The following CSMD2 variants were observed in gnomAD, a reference collection of about 807,000 sequenced individuals.
The protein encoded by CSMD2 is CUB and Sushi multiple domains 2.
CSMD2 carries 130 observed loss-of-function variants against 398.5 expected under a neutral mutation model. The observed-to-expected ratio is 0.33, with a 90% CI of 0.28 to 0.38. CSMD2 has a LOEUF of 0.38. Ranked by LOEUF, CSMD2 falls within the 10% of genes least tolerant of loss-of-function variation. The pLI, the probability that CSMD2 is intolerant of heterozygous loss-of-function variation, is 1.00. For missense variants in CSMD2, 3,829 were observed against 4,764.9 expected (o/e 0.80, Z 5.78); for synonymous variants, 1,828 against 1,908.5 (o/e 0.96, Z 1.10).
At chr1:33,906,386 C>T (rs1643089740) in intron 5 of CSMD2, among the ~76,000 whole-genome samples, 2 of 152,128 alleles carry the variant, frequency 1.3e-5, no homozygotes, top group Non-Finnish European at 1.5e-5. Context: ...AAGCCATTCT[C>T]GTAGCAGTGA....
chr1:33,523,804 T>C lies in CSMD2; in HGVS notation c.10397-385A>G, dbSNP rs565458912. On this transcript the variant is annotated intron_variant, in intron 66 of 70. Coordinates refer to ENST00000373381, the MANE Select transcript of CSMD2 (RefSeq NM_001281956.2). Reference sequence around the variant, plus strand: ...GAGCATGTGAACATGTCTATTATCATGTGTGAAATGAGCAAATGTCATCCT... The same window carrying C: ...GAGCATGTGAACATGTCTATTATCACGTGTGAAATGAGCAAATGTCATCCT... Among the ~76,000 whole-genome samples, 12 of 152,360 alleles carry C rather than the reference T, an allele frequency of 7.9e-5. No individual in the cohort carries two copies. The East Asian group carries it at 1.3e-3, about 17-fold the overall frequency.
At position 33,765,232 on chromosome 1, in the gene CSMD2, A is replaced by C. The variant is rs74069180; in HGVS notation, c.1846+7337T>G. Reference sequence around the variant, plus strand: ...AAAATGATTCTAAAATTAATCTTGAACAACAAACAGATGAGAATAACAATG... The same window carrying C: ...AAAATGATTCTAAAATTAATCTTGACCAACAAACAGATGAGAATAACAATG... On this transcript the variant is annotated intron_variant, in intron 13 of 70. Transcript: ENST00000373381. Among the ~76,000 whole-genome samples the C allele has an allele frequency of 7.1e-3, 1,078 of 152,370 alleles. 13 individuals carry two copies. Among genetic ancestry groups the C allele is most frequent in the African/African-American group, 0.025 (1,029 of 41,584 alleles).
At chr1:33,687,719 A>G (rs958910884) in intron 25 of CSMD2, among the ~76,000 whole-genome samples, 1 of 152,214 alleles carries the variant, frequency 6.6e-6, no homozygotes, top group Non-Finnish European at 1.5e-5. Flanking sequence ...AAAAGGCACA[A>G]TGCAGTCAAA....
chr1:33,995,424 A>C (rs2148012241), intron 3 of CSMD2, among the ~76,000 whole-genome samples: 1 of 152,328 alleles, frequency 6.6e-6, no homozygotes, highest in East Asian at 1.9e-4. Flanking sequence ...TTCAGGGCTA[A>C]GCTCTGGGAC....
rs1435867205 is a variant in CSMD2, at chr1:33,557,768, A to G, written c.8709T>C (p.Asp2903=). 2.6e-6 allele frequency: 4 copies of G among 1,535,930 alleles called. No individual in the cohort carries two copies. The African/African-American group carries it at 5.5e-5, about 21-fold the overall frequency. The change falls in exon 55 of 71, where the codon GAT becomes GAC. Residue 2903 remains aspartate (D), a synonymous_variant. Coordinates refer to ENST00000373381, the MANE Select transcript of CSMD2 (RefSeq NM_001281956.2). ...GGGGGCGGGGACGGTCCCATGTGCC[A>G]TCTCCCTGGCAGCTGAGCACTGGGG... The part of the protein sequence containing the change: ...LGTPVLSCQG[D]GTWDRPRPQC...
chr1:33,888,886 G>A (rs1483887954), intron 5 of CSMD2, among the ~76,000 whole-genome samples: 1 of 152,056 alleles, frequency 6.6e-6, no homozygotes, highest in African/African-American at 2.4e-5. Context: ...TCCTGCCTCA[G>A]CCTCCCTAGT....
intron 15 of CSMD2, among the ~76,000 whole-genome samples, chr1:33,736,347 G>T (rs1173613340): frequency 6.6e-6 from 1 of 152,026 alleles, no homozygotes; most frequent in Non-Finnish European, 1.5e-5. Context: ...TGGGTGTGGT[G>T]GTGGGCGCCT....
At chr1:33,942,453 G>A (rs1428508798) in intron 3 of CSMD2, among the ~76,000 whole-genome samples, 3 of 152,208 alleles carry the variant, frequency 2.0e-5, no homozygotes, top group Non-Finnish European at 4.4e-5. Context: ...GAGGTGCCAG[G>A]GCATCAGATG....
chr1:33,557,833 C>T lies in CSMD2; in HGVS notation c.8644G>A (p.Val2882Met), dbSNP rs999225541. The T allele has an allele frequency of 1.2e-4, 190 of 1,535,996 alleles. No individual in the cohort carries two copies. Among genetic ancestry groups the T allele is most frequent in the Non-Finnish European group, 1.5e-4 (172 of 1,146,912 alleles). Residue 2882 changes from valine to methionine, a missense_variant, in exon 55 of 71, where the codon GTG (valine) becomes ATG (methionine). Physicochemically the swap from Val to Met is conservative, Grantham distance 21. Coordinates refer to ENST00000373381, the MANE Select transcript of CSMD2 (RefSeq NM_001281956.2). Reference sequence around the variant, plus strand: ...AAGCCGTGGTTGCACCGGTAAGACACAGTGGTGCCGAAGCTGAACCTGTGC... The same window carrying T: ...AAGCCGTGGTTGCACCGGTAAGACATAGTGGTGCCGAAGCTGAACCTGTGC... ...GPHRFSFGTT[V>M]SYRCNHGFYL...
intron 43 of CSMD2, among the ~76,000 whole-genome samples, chr1:33,601,720 T>C (rs916924749): frequency 6.6e-6 from 1 of 152,222 alleles, no homozygotes; most frequent in Admixed American, 6.5e-5. Context: ...GTATTCCCAA[T>C]GTAAAATTAA....
At chr1:34,054,746 A>C (rs1355320914) in intron 2 of CSMD2, among the ~76,000 whole-genome samples, 1 of 152,000 alleles carries the variant, frequency 6.6e-6, no homozygotes, top group Admixed American at 6.5e-5. Context: ...TCTCTTTAAA[A>C]AAAAGTGGTT....
At chr1:33,654,794 G>T (rs1280041600) in intron 27 of CSMD2, among the ~76,000 whole-genome samples, 1 of 152,316 alleles carries the variant, frequency 6.6e-6, no homozygotes, top group South Asian at 2.1e-4. Flanking sequence ...CCTCCATTCT[G>T]GTTCCCAGCC....
intron 1 of CSMD2, among the ~76,000 whole-genome samples, chr1:34,124,849 A>G (rs1340128918): frequency 6.6e-6 from 1 of 152,238 alleles, no homozygotes; most frequent in Non-Finnish European, 1.5e-5. Flanking sequence ...AATAAAAACA[A>G]AGACCAACTA....
intron 5 of CSMD2, among the ~76,000 whole-genome samples, chr1:33,882,463 G>C (rs947719970): frequency 6.6e-6 from 1 of 152,228 alleles, no homozygotes; most frequent in Admixed American, 6.5e-5. Context: ...TCAGACCAAA[G>C]AGAAATGAAA....
At chr1:34,017,831 G>T (rs567393548) in intron 3 of CSMD2, among the ~76,000 whole-genome samples, 1 of 152,240 alleles carries the variant, frequency 6.6e-6, no homozygotes, top group African/African-American at 2.4e-5. Context: ...CACCCTCCAA[G>T]ATCCAGAGTC....
intron 5 of CSMD2, among the ~76,000 whole-genome samples, chr1:33,909,100 G>A (rs1643298583): frequency 6.6e-6 from 1 of 152,198 alleles, no homozygotes; most frequent in Non-Finnish European, 1.5e-5. Context: ...AGCATCCTTA[G>A]TCATGCACCA....
At chr1:33,677,735 T>A (rs1022067210) in intron 25 of CSMD2, among the ~76,000 whole-genome samples, 1 of 151,746 alleles carries the variant, frequency 6.6e-6, no homozygotes, top group Non-Finnish European at 1.5e-5. Context: ...TAGACTGGAT[T>A]AAGAAAATGT....
chr1:33,551,757 G>C (rs1557522533), intron 55 of CSMD2, among the ~76,000 whole-genome samples: 1 of 152,288 alleles, frequency 6.6e-6, no homozygotes, highest in East Asian at 1.9e-4. Context: ...CCCTCCCCTT[G>C]AATCAGGCTG....
intron 12 of CSMD2, among the ~76,000 whole-genome samples, chr1:33,781,434 C>T (rs1047318922): frequency 1.3e-5 from 2 of 152,224 alleles, no homozygotes; most frequent in African/African-American, 4.8e-5. Flanking sequence ...TCTTGCTGTC[C>T]TTGTAGCCTC....
Sources: allele counts gnomAD v4.1 joint callset (sites outside exome capture counted in the v4.1 genomes callset), GRCh38; gene constraint gnomAD v4.1.1; transcripts MANE v1.5; gene names NCBI Gene and HGNC (gene_info 2026-07-23, HGNC 2026-07-21).